Variants in NELL2 observed in about 807,000 individuals in gnomAD.
NELL2 encodes neural EGFL like 2, also known as protein kinase C-binding protein NELL2.
In NELL2, 41 loss-of-function variants were observed where a neutral mutation model predicts 109.6. The observed-to-expected ratio is 0.37, with a 90% CI of 0.29 to 0.49. The LOEUF (loss-of-function observed/expected upper bound fraction) is 0.49, where lower values mean the gene tolerates loss of function less well. Ranked by LOEUF, NELL2 falls within the 20% of genes least tolerant of loss-of-function variation. NELL2 has a pLI of 0.98. For synonymous variants in NELL2, 355 were observed against 344.7 expected, an observed-to-expected ratio of 1.03 and a Z score of -0.33; for missense variants, 900 against 1,008.3, an observed-to-expected ratio of 0.89 and a Z score of 1.45.
At chr12:44,846,402 G>A (rs1345125311) in intron 2 of NELL2, among the ~76,000 whole-genome samples, 1 of 152,132 alleles carries the variant, frequency 6.6e-6, no homozygotes, top group Admixed American at 6.5e-5. Flanking sequence ...CTTCTTTAGT[G>A]CCACTGTGGT....
In NELL2 at chr12:44,777,041, C is replaced by T; in HGVS notation, c.762+1G>A. On this transcript the variant is annotated splice_donor_variant, in intron 7 of 19. Coordinates refer to ENST00000429094, the MANE Select transcript of NELL2 (RefSeq NM_001145108.2). LOFTEE classifies it high-confidence loss of function. Reference sequence around the variant, plus strand: ...ACACTGTATTCTTGAGTAGCTTTTACCTTGGCTGATGTTTTGGCTAAAATA... The same window carrying T: ...ACACTGTATTCTTGAGTAGCTTTTATCTTGGCTGATGTTTTGGCTAAAATA... 6.2e-7 allele frequency: 1 copy of T among 1,613,678 alleles called. No homozygotes were observed. Among genetic ancestry groups the T allele is most frequent in the East Asian group, 2.2e-5 (1 of 44,858 alleles).
intron 15 of NELL2, among the ~76,000 whole-genome samples, chr12:44,584,150 T>G (rs972819892): frequency 1.3e-5 from 2 of 152,234 alleles, no homozygotes; most frequent in African/African-American, 4.8e-5. Flanking sequence ...TATCTTTTCA[T>G]AGCACCTTCA....
At chr12:44,818,300 A>G (rs1437140270) in intron 2 of NELL2, among the ~76,000 whole-genome samples, 1 of 152,224 alleles carries the variant, frequency 6.6e-6, no homozygotes, top group Non-Finnish European at 1.5e-5. Context: ...ACATTACTTC[A>G]TTTTAATTTA....
chr12:44,803,020 G>A (rs1252788213), intron 3 of NELL2, among the ~76,000 whole-genome samples: 2 of 151,970 alleles, frequency 1.3e-5, no homozygotes, highest in Non-Finnish European at 2.9e-5. Context: ...GGTGAGCAAG[G>A]TTAATATCAC....
chr12:44,862,393 T>G (rs910541659), intron 2 of NELL2, among the ~76,000 whole-genome samples: 1 of 152,112 alleles, frequency 6.6e-6, no homozygotes, highest in African/African-American at 2.4e-5. Flanking sequence ...TGTCAAATCC[T>G]AGAAAATGTA....
intron 14 of NELL2, among the ~76,000 whole-genome samples, chr12:44,609,022 A>G (rs191328828): frequency 6.6e-6 from 1 of 151,956 alleles, no homozygotes; most frequent in African/African-American, 2.4e-5. Flanking sequence ...TAGGTCAATT[A>G]TGTTGCATTT....
At chr12:44,674,010 T>A (rs1441155502) in intron 12 of NELL2, among the ~76,000 whole-genome samples, 1 of 151,992 alleles carries the variant, frequency 6.6e-6, no homozygotes, top group Admixed American at 6.6e-5. Context: ...CTGCATTAGG[T>A]GACAAAGATA....
At chr12:44,596,564 C>G (rs1944971963) in intron 15 of NELL2, among the ~76,000 whole-genome samples, 1 of 152,118 alleles carries the variant, frequency 6.6e-6, no homozygotes, top group African/African-American at 2.4e-5. Context: ...ATAATTCTCT[C>G]AACAATGTCA....
intron 2 of NELL2, among the ~76,000 whole-genome samples, chr12:44,818,747 T>A (rs1943441631): frequency 7.3e-6 from 1 of 136,190 alleles, no homozygotes; most frequent in Non-Finnish European, 1.6e-5. Context: ...TTATTTTTTT[T>A]TTTTTTGAGA....
intron 1 of NELL2, among the ~76,000 whole-genome samples, chr12:44,910,511 A>G (rs1314914808): frequency 6.6e-6 from 1 of 152,014 alleles, no homozygotes; most frequent in Non-Finnish European, 1.5e-5. Context: ...TGTTGGTGGG[A>G]ATGTAAATTA....
chr12:44,631,548 G>T (rs1946457559), intron 13 of NELL2, among the ~76,000 whole-genome samples: 1 of 152,056 alleles, frequency 6.6e-6, no homozygotes, highest in Admixed American at 6.6e-5. Context: ...GGGACAGAAG[G>T]AGGGGAGTAG....
intron 19 of NELL2, among the ~76,000 whole-genome samples, chr12:44,519,189 A>C (rs1456874958): frequency 1.3e-5 from 2 of 152,224 alleles, no homozygotes; most frequent in Admixed American, 1.3e-4. Flanking sequence ...GAAAAATCTG[A>C]CACGTCTGCT....
intron 15 of NELL2, among the ~76,000 whole-genome samples, chr12:44,547,673 G>A (rs150312043): frequency 4.6e-4 from 70 of 152,280 alleles, no homozygotes; most frequent in African/African-American, 1.7e-3. Context: ...AGAGTGGTTT[G>A]TATGTGCTCC....
intron 3 of NELL2, among the ~76,000 whole-genome samples, chr12:44,798,946 CTTTTT>C (rs1157006162): frequency 3.9e-5 from 3 of 77,434 alleles, no homozygotes; most frequent in African/African-American, 6.0e-5. Context: ...ATGATTTCCA[CTTTTT>C]TTTTTTTTTT....
chr12:44,807,096 T>A (rs970845652), intron 3 of NELL2, among the ~76,000 whole-genome samples: 16 of 151,172 alleles, frequency 1.1e-4, no homozygotes, highest in African/African-American at 3.6e-4. Flanking sequence ...AAGAAAAAAA[T>A]CTACGAGGAA....
intron 2 of NELL2, among the ~76,000 whole-genome samples, chr12:44,857,922 T>G (rs1293569145): frequency 6.6e-6 from 1 of 152,140 alleles, no homozygotes; most frequent in Non-Finnish European, 1.5e-5. Context: ...TTTCCCCCCA[T>G]GCCCAGATGA....
chr12:44,644,604 G>GTATATATATATATATA lies in NELL2; in HGVS notation c.1444+20879_1444+20880insTATATATATATATATA, dbSNP rs1555190872. Among the ~76,000 whole-genome samples the GTATATATATATATATA allele has an allele frequency of 1.2e-3, 101 of 81,140 alleles. 1 individual carries two copies. The highest frequency in any genetic ancestry group is 7.7e-3 in the Middle Eastern group (1 of 130). 53.2% of individuals were successfully genotyped at this position (81,140 alleles called of 152,430 possible). A position where few individuals can be genotyped will look rare whatever the true frequency, so the allele number is the denominator to read the frequency against. ...AGTATATATATATATATATATATAT[G>GTATATATATATATATA]TATGTATATATATATATATATACAT... On this transcript the variant is annotated intron_variant, in intron 13 of 19. Transcript: ENST00000429094.
intron 9 of NELL2, among the ~76,000 whole-genome samples, chr12:44,752,837 T>G (rs775668473): frequency 6.6e-6 from 1 of 152,190 alleles, no homozygotes; most frequent in Non-Finnish European, 1.5e-5. Flanking sequence ...TGCCAAGTCA[T>G]GTACTGCCAC....
upstream of NELL2, among the ~76,000 whole-genome samples, chr12:44,880,293 G>A (rs1945397188): frequency 6.6e-6 from 1 of 151,898 alleles, no homozygotes. Context: ...AATTGTATGA[G>A]AAAAGAGTAG....
Sources: allele counts gnomAD v4.1 joint callset (sites outside exome capture counted in the v4.1 genomes callset), GRCh38; gene constraint gnomAD v4.1.1; transcripts MANE v1.5; gene names NCBI Gene and HGNC (gene_info 2026-07-23, HGNC 2026-07-21).